Variants in SYTL3 observed in about 807,000 individuals in gnomAD.
SYTL3 encodes the protein synaptotagmin like 3, also known as synaptotagmin-like protein 3.
Under a neutral mutation model 82.1 loss-of-function variants are expected in SYTL3, and 88 were observed. The observed-to-expected ratio is 1.07, with a 90% CI of 0.90 to 1.28. The LOEUF (loss-of-function observed/expected upper bound fraction) is 1.28. SYTL3 is among the 50% of genes most tolerant of loss of function. The pLI is 0.00. For missense variants in SYTL3, 831 were observed against 757.6 expected (o/e 1.10, Z -1.14); for synonymous variants, 311 against 289.4 (o/e 1.07, Z -0.76).
chr6:158,703,998 T>C (rs868765401), intron 6 of SYTL3, among the ~76,000 whole-genome samples: 3 of 151,816 alleles, frequency 2.0e-5, no homozygotes, highest in African/African-American at 7.3e-5. Flanking sequence ...GGCTAATCTT[T>C]GTATTTTTAG....
At chr6:158,719,373 C>A (rs1783803604) in intron 10 of SYTL3, among the ~76,000 whole-genome samples, 1 of 152,140 alleles carries the variant, frequency 6.6e-6, no homozygotes, top group Admixed American at 6.5e-5. Flanking sequence ...TGATTCCCAG[C>A]TCTTATGAGT....
chr6:158,702,536 C>G (rs538288787), intron 6 of SYTL3, among the ~76,000 whole-genome samples: 14 of 150,886 alleles, frequency 9.3e-5, no homozygotes, highest in Admixed American at 2.0e-4. Flanking sequence ...AGTAAAACCC[C>G]GTCTCAAAAA....
intron 13 of SYTL3, among the ~76,000 whole-genome samples, chr6:158,753,790 G>A (rs1788721350): frequency 6.7e-6 from 1 of 150,042 alleles, no homozygotes; most frequent in South Asian, 2.1e-4. Context: ...ACCTTAAAAT[G>A]TACACAGAAT....
chr6:158,747,080 G>A (rs1464900416), intron 12 of SYTL3, among the ~76,000 whole-genome samples: 1 of 152,088 alleles, frequency 6.6e-6, no homozygotes, highest in African/African-American at 2.4e-5. Context: ...TCTGCCTCCT[G>A]GGTTCAAGCA....
At chr6:158,676,851 A>G (rs1396285447) in intron 5 of SYTL3, among the ~76,000 whole-genome samples, 3 of 151,536 alleles carry the variant, frequency 2.0e-5, no homozygotes, top group South Asian at 2.1e-4. Context: ...CAAAACCACA[A>G]TGAGATACCA....
intron 9 of SYTL3, 108 bp downstream of exon 9, chr6:158,713,986 C>A: frequency 1.3e-6 from 1 of 778,384 alleles, no homozygotes; most frequent in Non-Finnish European, 2.2e-6. Flanking sequence ...TCAGGCCACT[C>A]ACTTTGTCTC....
Position 158,757,255 on chromosome 6 carries a change from C to T in SYTL3, c.1182C>T (p.Val394=). ...PAQLVTRQLQ[V]SVWHLGTLAR... ...AGCTGGTGACCCGGCAGCTGCAGGTCTCGGTGTGGCATCTGGGCACGCTGG... is the reference window on the plus strand; with the variant it reads ...AGCTGGTGACCCGGCAGCTGCAGGTTTCGGTGTGGCATCTGGGCACGCTGG... Residue 394 remains valine, a synonymous_variant, in exon 14 of 18, where the codon GTC becomes GTT. Transcript: ENST00000611299. 1.2e-6 allele frequency: 2 copies of T among 1,612,658 alleles called. No individual in the cohort carries two copies. Among genetic ancestry groups the T allele is most frequent in the South Asian group, 1.1e-5 (1 of 91,054 alleles).
intron 11 of SYTL3, among the ~76,000 whole-genome samples, chr6:158,734,353 C>T (rs1175318181): frequency 2.0e-5 from 3 of 152,064 alleles, no homozygotes; most frequent in Non-Finnish European, 4.4e-5. Context: ...AGAATCACAT[C>T]CTTGTAGCCC....
At chr6:158,735,986 A>G (rs1335485940) in intron 11 of SYTL3, among the ~76,000 whole-genome samples, 3 of 152,210 alleles carry the variant, frequency 2.0e-5, no homozygotes, top group African/African-American at 7.2e-5. Context: ...AAAAATTATC[A>G]TGAATGTTGG....
At chr6:158,707,465 C>G (rs1341481154) in intron 7 of SYTL3, among the ~76,000 whole-genome samples, 184 bp downstream of exon 7, 1 of 151,202 alleles carries the variant, frequency 6.6e-6, no homozygotes, top group Non-Finnish European at 1.5e-5. Context: ...TTTCCAGATT[C>G]TCATGAGAAA....
chr6:158,728,656 T>C (rs1257462082), intron 11 of SYTL3, among the ~76,000 whole-genome samples: 1 of 152,212 alleles, frequency 6.6e-6, no homozygotes, highest in Non-Finnish European at 1.5e-5. Context: ...TAAAAAACAT[T>C]AAGGCCGGGC....
chr6:158,657,731 C>T (rs139790302), intron 2 of SYTL3, among the ~76,000 whole-genome samples: 19 of 152,232 alleles, frequency 1.2e-4, no homozygotes, highest in Middle Eastern at 3.4e-3. Context: ...TCTGCAGACG[C>T]GGGCCATCAA....
At chr6:158,649,110 G>A (rs1020876586), upstream of SYTL3, among the ~76,000 whole-genome samples, 4 of 152,130 alleles carry the variant, frequency 2.6e-5, no homozygotes, top group Non-Finnish European at 4.4e-5. Flanking sequence ...CAGGGCCTCC[G>A]CTGGCATTTG....
intron 5 of SYTL3, among the ~76,000 whole-genome samples, chr6:158,671,555 A>AG (rs912259370): frequency 3.0e-4 from 45 of 152,036 alleles, no homozygotes; most frequent in Non-Finnish European, 4.9e-4. Context: ...ACTTGAGGTC[A>AG]GGAGTTGAAG....
chr6:158,714,304 A>G (rs924001510), intron 9 of SYTL3, among the ~76,000 whole-genome samples: 1 of 152,040 alleles, frequency 6.6e-6, no homozygotes, highest in African/African-American at 2.4e-5. Flanking sequence ...GTGAGCCAAG[A>G]TCACGCCACT....
chr6:158,752,598 C>T (rs915439649), intron 13 of SYTL3, among the ~76,000 whole-genome samples: 8 of 152,166 alleles, frequency 5.3e-5, no homozygotes, highest in Admixed American at 1.3e-4. Flanking sequence ...TGGGGCCATG[C>T]GCTCTGATGT....
chr6:158,653,458 A>G (rs1286029325), intron 2 of SYTL3, among the ~76,000 whole-genome samples: 2 of 152,054 alleles, frequency 1.3e-5, no homozygotes, highest in Non-Finnish European at 2.9e-5. Context: ...GTGAGCCAAG[A>G]TCGCGCCATT....
chr6:158,745,665 T>TG lies in SYTL3; in HGVS notation c.1034+8dup. 6.3e-7 allele frequency: 1 copy of TG among 1,579,822 alleles called. No homozygotes were observed. The highest frequency in any genetic ancestry group is 8.6e-7 in the Non-Finnish European group (1 of 1,166,914). Reference sequence around the variant, plus strand: ...AGAAGAAAAAGTGCAATCCGTAAGTTGTTTTTTTTAAGTTTAACATGAGAC... The same window carrying TG: ...AGAAGAAAAAGTGCAATCCGTAAGTTGGTTTTTTTTAAGTTTAACATGAGAC... On this transcript the variant is annotated splice_region_variant and intron_variant, in intron 12 of 17. Coordinates refer to ENST00000611299, the MANE Select transcript of SYTL3 (RefSeq NM_001242394.2).
upstream of SYTL3, among the ~76,000 whole-genome samples, chr6:158,645,528 C>T (rs1361218806): frequency 6.6e-6 from 1 of 152,190 alleles, no homozygotes; most frequent in Non-Finnish European, 1.5e-5. Flanking sequence ...CTGGAACCCA[C>T]TTCCCATTCC....
Sources: allele counts gnomAD v4.1 joint callset (sites outside exome capture counted in the v4.1 genomes callset), GRCh38; gene constraint gnomAD v4.1.1; transcripts MANE v1.5; gene names NCBI Gene and HGNC (gene_info 2026-07-23, HGNC 2026-07-21).